MYH16: variants seen among roughly 807,000 people sequenced by gnomAD.
MYH16 encodes the protein putative uncharacterized protein MYH16.
chr7:99,294,518 A>G (rs866684557), intron 33 of MYH16, among the ~76,000 whole-genome samples: 1,745 of 134,504 alleles, frequency 0.013, 27 homozygotes, highest in African/African-American at 0.054. Flanking sequence ...AAAAAAAAAA[A>G]AAAAAAGAAA....
chr7:99,300,677 G>A (rs185959984), intron 37 of MYH16, among the ~76,000 whole-genome samples: 36 of 152,176 alleles, frequency 2.4e-4, no homozygotes, highest in African/African-American at 6.5e-4. Context: ...GGTGGTGCTC[G>A]TGCCTGTAGT....
Position 99,245,898 on chromosome 7 carries a change from T to C in MYH16, n.355-1696T>C, listed in dbSNP as rs560861380. 2.7e-3 allele frequency among the ~76,000 whole-genome samples: 404 copies of C among 151,754 alleles called. 1 individual carries two copies. The highest frequency in any genetic ancestry group is 4.8e-3 in the Non-Finnish European group (329 of 67,898). On this transcript the variant is annotated intron_variant and non_coding_transcript_variant, in intron 2 of 41. Coordinates refer to ENST00000439784, the Ensembl canonical transcript of MYH16. ...TCTTGGAGTGAAAAGAAAGTTGGGGTCTCTTTTTAAGAGTAGGTCAAGGCT... is the reference window on the plus strand; with the variant it reads ...TCTTGGAGTGAAAAGAAAGTTGGGGCCTCTTTTTAAGAGTAGGTCAAGGCT...
chr7:99,298,045 CAG>C (rs1584359163), intron 36 of MYH16, 50 bp downstream of exon 17: 1 of 454,038 alleles, frequency 2.2e-6, no homozygotes, highest in Non-Finnish European at 4.4e-6. Flanking sequence ...TGTGATGGAG[CAG>C]AGTCCAGAAA....
chr7:99,306,396 C>T (rs549761738), intron 41 of MYH16, among the ~76,000 whole-genome samples: 26 of 152,074 alleles, frequency 1.7e-4, no homozygotes, highest in African/African-American at 6.0e-4. Flanking sequence ...GGCGTGGTGG[C>T]GGGCACCTTA....
At chr7:99,258,729 T>G (rs1268882698) in intron 11 of MYH16, among the ~76,000 whole-genome samples, 1 of 152,132 alleles carries the variant, frequency 6.6e-6, no homozygotes, top group African/African-American at 2.4e-5. Flanking sequence ...TAGCCATGGC[T>G]TGAATATTTA....
chr7:99,276,527 C>A (rs1403862662), intron 20 of MYH16, among the ~76,000 whole-genome samples: 1 of 152,216 alleles, frequency 6.6e-6, no homozygotes, highest in Non-Finnish European at 1.5e-5. Context: ...GCCTGGCGCT[C>A]CAGTGCAGGT....
intron 39 of MYH16, among the ~76,000 whole-genome samples, chr7:99,303,872 G>C (rs894125211): frequency 6.6e-6 from 1 of 152,166 alleles, no homozygotes; most frequent in Non-Finnish European, 1.5e-5. Flanking sequence ...AAGGAAGATG[G>C]ATGAGCCCAG....
At chr7:99,297,867 A>G (rs771279926) in intron 35 of MYH16, 25 bp from the exon 17 acceptor site, 1 of 456,720 alleles carries the variant, frequency 2.2e-6, no homozygotes, top group Non-Finnish European at 4.4e-6. Flanking sequence ...TTGGCCAGAA[A>G]GACTCATGGT....
chr7:99,292,325 C>G (rs1420717796), exon 32 of MYH16: 1 of 456,656 alleles, frequency 2.2e-6, no homozygotes, highest in Non-Finnish European at 4.4e-6. Context: ...CGCAGCACCG[C>G]CGTGGTGAGT....
intron 2 of MYH16, among the ~76,000 whole-genome samples, chr7:99,244,183 A>G (rs1791702176): frequency 6.6e-6 from 1 of 152,068 alleles, no homozygotes; most frequent in Non-Finnish European, 1.5e-5. Context: ...CAAACATCCA[A>G]ATATCCATCC....
At chr7:99,263,563 ATAAGTGAGTGAG>A (rs1791959339) in intron 14 of MYH16, 1 of 152,458 alleles carries the variant, frequency 6.6e-6, no homozygotes, top group Non-Finnish European at 1.5e-5. Context: ...CTCTTGTGGA[ATAAGTGAGTGAG>A]TAAGTGAGTG....
chr7:99,252,964 A>G (rs971291469), intron 7 of MYH16: 2 of 152,246 alleles, frequency 1.3e-5, no homozygotes, highest in African/African-American at 4.8e-5. Flanking sequence ...GGCTCTTCTT[A>G]AAAAATATTA....
chr7:99,246,907 T>C (rs994356442), intron 2 of MYH16, among the ~76,000 whole-genome samples: 3 of 152,030 alleles, frequency 2.0e-5, no homozygotes, highest in African/African-American at 4.8e-5. Flanking sequence ...AACTTTACGA[T>C]GGGGCAAAAG....
At chr7:99,308,130 T>C (rs1792706757), downstream of MYH16, among the ~76,000 whole-genome samples, 1 of 151,752 alleles carries the variant, frequency 6.6e-6, no homozygotes, top group African/African-American at 2.4e-5. Flanking sequence ...ACCCCAACTC[T>C]ACTAAAAATA....
At chr7:99,298,523 G>A (rs1056160970) in intron 36 of MYH16, among the ~76,000 whole-genome samples, 4 of 152,162 alleles carry the variant, frequency 2.6e-5, no homozygotes, top group South Asian at 2.1e-4. Flanking sequence ...ATGAGCCATC[G>A]TGCCCGGCCT....
At chr7:99,245,684 C>T (rs1054183491) in intron 2 of MYH16, among the ~76,000 whole-genome samples, 6 of 152,108 alleles carry the variant, frequency 3.9e-5, no homozygotes, top group East Asian at 3.9e-4. Flanking sequence ...TGCGCTACCA[C>T]GCCCAGCTAA....
chr7:99,283,212 T>C (rs74560836), intron 23 of MYH16, among the ~76,000 whole-genome samples: 5,382 of 152,106 alleles, frequency 0.035, 104 homozygotes, highest in African/African-American at 0.054. Flanking sequence ...TCGTCCTGCC[T>C]CAGTCTCCTG....
intron 3 of MYH16, among the ~76,000 whole-genome samples, chr7:99,248,394 G>A (rs1390398074): frequency 3.3e-5 from 5 of 152,022 alleles, no homozygotes; most frequent in East Asian, 1.9e-4. Context: ...GAGCCACTGC[G>A]CCCAGTCATG....
downstream of MYH16, among the ~76,000 whole-genome samples, chr7:99,307,533 G>A (rs976454194): frequency 2.0e-5 from 3 of 151,946 alleles, no homozygotes; most frequent in African/African-American, 7.3e-5. Context: ...GACCAGCCTG[G>A]GCAACACAGT....
Sources: allele counts gnomAD v4.1 joint callset (sites outside exome capture counted in the v4.1 genomes callset), GRCh38; gene constraint gnomAD v4.1.1; transcripts MANE v1.5; gene names NCBI Gene and HGNC (gene_info 2026-07-23, HGNC 2026-07-21).